SLC5A11: variants seen among roughly 807,000 people sequenced by gnomAD.
SLC5A11 encodes the protein solute carrier family 5 member 11.
A neutral mutation model predicts 69.8 loss-of-function variants in SLC5A11; 48 were observed. The observed-to-expected ratio is 0.69, with a 90% CI of 0.55 to 0.87. The LOEUF (loss-of-function observed/expected upper bound fraction) is 0.87, where lower values mean the gene tolerates loss of function less well. Among genes scored for constraint, SLC5A11 ranks in the 40% least tolerant of loss-of-function variants. The pLI, the probability that SLC5A11 is intolerant of heterozygous loss-of-function variation, is 0.00. For missense variants in SLC5A11, 784 were observed against 866.1 expected (o/e 0.91, Z 1.19); for synonymous variants, 319 against 342.4 (o/e 0.93, Z 0.75).
At chr16:24,849,593 A>T (rs10459780) in intron 1 of SLC5A11, among the ~76,000 whole-genome samples, 4,568 of 34,554 alleles carry the variant, frequency 0.13, 356 homozygotes, top group Middle Eastern at 0.17. Flanking sequence ...AAAAAAAAAA[A>T]ATATATATAT....
rs1047449269 is a variant in SLC5A11 at position 24,872,333 on chromosome 16, G to A, written c.372+114G>A. 11 of 1,255,924 alleles carry A rather than the reference G, an allele frequency of 8.8e-6. No homozygotes were observed. The African/African-American group carries it at 8.8e-5, about 10-fold the overall frequency. The allele number at this position is 1,255,924 out of a possible 1,614,324, so 77.8% of individuals were successfully genotyped here. On this transcript the variant is annotated intron_variant, in intron 5 of 15. Transcript: ENST00000347898. ...CCCTCCTGCCCATGGTCATGTATTC[G>A]ATTGCCACTCAGAGGCCCCAGTAAA...
chr16:24,852,145 C>T (rs948069016), intron 1 of SLC5A11, among the ~76,000 whole-genome samples: 2 of 151,942 alleles, frequency 1.3e-5, no homozygotes, highest in African/African-American at 4.8e-5. Flanking sequence ...CTGTTTATTT[C>T]CCTCCTTTTT....
intron 1 of SLC5A11, among the ~76,000 whole-genome samples, chr16:24,849,591 A>ACATAT (rs60683631): frequency 7.0e-5 from 4 of 57,498 alleles, no homozygotes; most frequent in African/African-American, 1.8e-4. Flanking sequence ...AAAAAAAAAA[A>ACATAT]AAATATATAT....
At chr16:24,882,174 C>T (rs750339438) in intron 7 of SLC5A11, among the ~76,000 whole-genome samples, 6 of 152,152 alleles carry the variant, frequency 3.9e-5, no homozygotes, top group Non-Finnish European at 7.4e-5. Context: ...TTGGCCTCTG[C>T]ATCCCTACCA....
chr16:24,849,593 A>AAAAAAAAAAAATATATATAT, intron 1 of SLC5A11, among the ~76,000 whole-genome samples: 2 of 35,908 alleles, frequency 5.6e-5, no homozygotes, highest in South Asian at 1.2e-3. Context: ...AAAAAAAAAA[A>AAAAAAAAAAAATATATATAT]ATATATATAT....
At chr16:24,905,269 C>CAAAAAAAA (rs34703027) in intron 10 of SLC5A11, among the ~76,000 whole-genome samples, 1 of 80,428 alleles carries the variant, frequency 1.2e-5, no homozygotes, top group Non-Finnish European at 2.2e-5. Context: ...ACTAAAAATA[C>CAAAAAAAA]AAAAAAAAAA....
intron 8 of SLC5A11, among the ~76,000 whole-genome samples, chr16:24,889,131 C>T (rs907456875): frequency 6.6e-6 from 1 of 151,954 alleles, no homozygotes; most frequent in Admixed American, 6.6e-5. Context: ...CCATAAAATG[C>T]AGCTGCAAAT....
intron 10 of SLC5A11, among the ~76,000 whole-genome samples, chr16:24,898,436 C>G (rs1414994573): frequency 6.6e-6 from 1 of 151,850 alleles, no homozygotes; most frequent in African/African-American, 2.4e-5. Flanking sequence ...TCTTGAACTC[C>G]TGGCCTCAAG....
At chr16:24,910,532 G>GT (rs2050440579) in intron 15 of SLC5A11, 55 bp downstream of exon 16, 2 of 1,375,176 alleles carry the variant, frequency 1.5e-6, no homozygotes, top group Non-Finnish European at 2.0e-6. Flanking sequence ...TAAAGGGATT[G>GT]ATTTTTTTTT....
chr16:24,903,679 A>G (rs2049812973), intron 10 of SLC5A11, among the ~76,000 whole-genome samples: 1 of 152,222 alleles, frequency 6.6e-6, no homozygotes, highest in Admixed American at 6.5e-5. Flanking sequence ...AATGAATATG[A>G]AAAAGAATTT....
intron 5 of SLC5A11, 64 bp from the exon 7 acceptor site, chr16:24,875,563 T>G: frequency 7.7e-7 from 1 of 1,303,212 alleles, no homozygotes; most frequent in Non-Finnish European, 1.1e-6. Flanking sequence ...GAAGGGCTTG[T>G]GTGGGGGGGT....
At chr16:24,875,475 T>C (rs1278570968) in intron 5 of SLC5A11, 152 bp from the exon 7 acceptor site, 2 of 657,860 alleles carry the variant, frequency 3.0e-6, no homozygotes, top group Non-Finnish European at 5.4e-6. Context: ...TGGGCCCCTC[T>C]CCTCCCTTCT....
chr16:24,858,889 A>C, intron 2 of SLC5A11, 111 bp downstream of exon 3: 3 of 1,353,018 alleles, frequency 2.2e-6, no homozygotes, highest in Non-Finnish European at 2.0e-6. Flanking sequence ...TGAGAGGAAG[A>C]AACTAACACA....
chr16:24,892,643 T>C (rs1390809417), intron 9 of SLC5A11, among the ~76,000 whole-genome samples: 3 of 152,112 alleles, frequency 2.0e-5, no homozygotes, highest in Non-Finnish European at 2.9e-5. Context: ...TATCACGTGT[T>C]CAAATATTAT....
At chr16:24,855,072 C>T (rs1355778296) in intron 1 of SLC5A11, among the ~76,000 whole-genome samples, 1 of 152,106 alleles carries the variant, frequency 6.6e-6, no homozygotes, top group African/African-American at 2.4e-5. Context: ...TCAAGTGATC[C>T]TCCTGCCTCA....
intron 1 of SLC5A11, among the ~76,000 whole-genome samples, chr16:24,847,631 C>T (rs566389481): frequency 1.3e-5 from 2 of 152,298 alleles, no homozygotes; most frequent in East Asian, 1.9e-4. Flanking sequence ...GCTGGGATTA[C>T]AGGCATGAGC....
At chr16:24,867,173 A>G (rs1226811496) in intron 3 of SLC5A11, among the ~76,000 whole-genome samples, 1 of 152,196 alleles carries the variant, frequency 6.6e-6, no homozygotes, top group African/African-American at 2.4e-5. Flanking sequence ...GAAATAATAC[A>G]AAGTGTGTTG....
At chr16:24,891,940 A>G (rs1400406434) in intron 9 of SLC5A11, among the ~76,000 whole-genome samples, 1 of 151,222 alleles carries the variant, frequency 6.6e-6, no homozygotes. Context: ...TGGGAGTGCA[A>G]TTTAAAATGG....
intron 3 of SLC5A11, among the ~76,000 whole-genome samples, chr16:24,863,601 G>C (rs1415547774): frequency 6.6e-6 from 1 of 151,848 alleles, no homozygotes; most frequent in Non-Finnish European, 1.5e-5. Context: ...GAAAGGCAGA[G>C]TAAAGAGCTT....
Sources: allele counts gnomAD v4.1 joint callset (sites outside exome capture counted in the v4.1 genomes callset), GRCh38; gene constraint gnomAD v4.1.1; transcripts MANE v1.5; gene names NCBI Gene and HGNC (gene_info 2026-07-23, HGNC 2026-07-21).